PSMD14: variants seen among roughly 807,000 people sequenced by gnomAD.
PSMD14 encodes the protein proteasome 26S subunit, non-ATPase 14.
Under a neutral mutation model 41.2 loss-of-function variants are expected in PSMD14, and 7 were observed. The ratio of observed to expected loss-of-function variants is 0.17; its 90% CI spans 0.10 to 0.32. The LOEUF is 0.32. Ranked by LOEUF, PSMD14 falls within the 10% of genes least tolerant of loss-of-function variation. The pLI, the probability that PSMD14 is intolerant of heterozygous loss-of-function variation, is 1.00. For missense variants in PSMD14, 139 were observed against 375.6 expected (o/e 0.37, Z 5.21); for synonymous variants, 114 against 122.3 (o/e 0.93, Z 0.45).
intron 10 of PSMD14, among the ~76,000 whole-genome samples, chr2:161,396,819 TTTTG>T (rs571559831): frequency 1.6e-4 from 25 of 151,894 alleles, no homozygotes; most frequent in Admixed American, 2.6e-4. Flanking sequence ...TTTGAGGAGT[TTTTG>T]TTTGTTTGTT....
At chr2:161,318,450 A>G (rs999603358) in intron 2 of PSMD14, among the ~76,000 whole-genome samples, 3 of 152,174 alleles carry the variant, frequency 2.0e-5, no homozygotes, top group Admixed American at 1.3e-4. Context: ...CTCTGGACCA[A>G]TTGAAGGAAA....
chr2:161,340,448 G>A (rs1290947680), intron 3 of PSMD14, among the ~76,000 whole-genome samples: 2 of 152,224 alleles, frequency 1.3e-5, no homozygotes, highest in African/African-American at 4.8e-5. Context: ...TGGAGTGAAA[G>A]TGAACTCTGC....
intron 1 of PSMD14, among the ~76,000 whole-genome samples, chr2:161,312,962 G>A (rs1394390409): frequency 6.6e-6 from 1 of 152,238 alleles, no homozygotes; most frequent in Non-Finnish European, 1.5e-5. Flanking sequence ...TCAGGATGGG[G>A]TTGCCAATGA....
chr2:161,321,455 A>G (rs1318366588), intron 3 of PSMD14, among the ~76,000 whole-genome samples: 1 of 152,164 alleles, frequency 6.6e-6, no homozygotes, highest in East Asian at 1.9e-4. Flanking sequence ...CAGTGTCCAA[A>G]CAGTTGCTAC....
intron 3 of PSMD14, among the ~76,000 whole-genome samples, chr2:161,341,714 C>T (rs1682963985): frequency 6.6e-6 from 1 of 151,438 alleles, no homozygotes; most frequent in South Asian, 2.1e-4. Context: ...TGGCATCTGC[C>T]TGTAGTCCCA....
At chr2:161,389,889 G>GTTTTTTTTTTTTTTTTTT (rs1162637393) in intron 8 of PSMD14, among the ~76,000 whole-genome samples, 3 of 20,044 alleles carry the variant, frequency 1.5e-4, no homozygotes, top group African/African-American at 3.0e-4. Context: ...CTTTTTTGTT[G>GTTTTTTTTTTTTTTTTTT]TTTTTTTTTT....
At chr2:161,388,009 A>G (rs921181417) in intron 8 of PSMD14, among the ~76,000 whole-genome samples, 3 of 152,020 alleles carry the variant, frequency 2.0e-5, no homozygotes, top group Non-Finnish European at 4.4e-5. Context: ...TTTGGCTATT[A>G]CTTTCAAATG....
intron 6 of PSMD14, among the ~76,000 whole-genome samples, chr2:161,370,838 A>G (rs145552809): frequency 1.1e-3 from 170 of 152,268 alleles, no homozygotes; most frequent in South Asian, 8.5e-3. Flanking sequence ...TCCAACTCCC[A>G]GAGCTAAGGA....
At chr2:161,318,558 A>G (rs536276701) in intron 2 of PSMD14, among the ~76,000 whole-genome samples, 10 of 152,314 alleles carry the variant, frequency 6.6e-5, no homozygotes, top group African/African-American at 2.4e-4. Flanking sequence ...AATGATAGCA[A>G]AGTTTTGAAA....
chr2:161,380,894 A>G (rs1342305465), intron 7 of PSMD14, among the ~76,000 whole-genome samples: 1 of 152,028 alleles, frequency 6.6e-6, no homozygotes, highest in Admixed American at 6.6e-5. Context: ...AGTACTTCCC[A>G]GGTCACATGC....
intron 3 of PSMD14, among the ~76,000 whole-genome samples, chr2:161,339,795 A>G (rs1682924295): frequency 1.3e-5 from 2 of 152,408 alleles, no homozygotes; most frequent in South Asian, 4.1e-4. Flanking sequence ...CTAAGCCCTG[A>G]ACCAAAGGTT....
intron 3 of PSMD14, among the ~76,000 whole-genome samples, chr2:161,348,612 A>G (rs1265481752): frequency 1.3e-5 from 2 of 152,362 alleles, no homozygotes; most frequent in African/African-American, 4.8e-5. Flanking sequence ...ATTCTATACG[A>G]TTGTTTTTAT....
At chr2:161,322,199 T>C (rs1483428326) in intron 3 of PSMD14, among the ~76,000 whole-genome samples, 1 of 152,188 alleles carries the variant, frequency 6.6e-6, no homozygotes, top group East Asian at 1.9e-4. Context: ...AAAGACTTGT[T>C]TTCAGCCTTG....
intron 3 of PSMD14, among the ~76,000 whole-genome samples, chr2:161,341,878 G>A (rs10182431): frequency 0.86 from 123,233 of 143,582 alleles, 52,056 homozygotes; most frequent in African/African-American, 0.93. Flanking sequence ...AAATATATAT[G>A]TATATATAAA....
intron 7 of PSMD14, among the ~76,000 whole-genome samples, chr2:161,373,462 C>T (rs895037027): frequency 1.3e-5 from 2 of 151,826 alleles, no homozygotes; most frequent in African/African-American, 4.8e-5. Context: ...ATTTATGGTT[C>T]TTTCAGTGTC....
At chr2:161,367,990 C>CAT in intron 5 of PSMD14, 87 bp downstream of exon 5, 1 of 1,382,088 alleles carries the variant, frequency 7.2e-7, no homozygotes. Flanking sequence ...CATCATATTA[C>CAT]ATTTTCTCTT....
chr2:161,389,344 G>C (rs1285600104), intron 8 of PSMD14, among the ~76,000 whole-genome samples: 1 of 152,164 alleles, frequency 6.6e-6, no homozygotes, highest in Non-Finnish European at 1.5e-5. Context: ...CTGCTTAGAG[G>C]ACTGAGCACC....
intron 7 of PSMD14, among the ~76,000 whole-genome samples, chr2:161,376,123 T>A (rs1411544153): frequency 6.7e-6 from 1 of 149,056 alleles, no homozygotes; most frequent in East Asian, 2.0e-4. Flanking sequence ...ATATATATAC[T>A]CTCTCTCATA....
intron 3 of PSMD14, among the ~76,000 whole-genome samples, chr2:161,330,381 T>C (rs541939240): frequency 1.3e-5 from 2 of 152,228 alleles, no homozygotes; most frequent in South Asian, 4.2e-4. Context: ...ATATTCCAAA[T>C]GTATGGGACG....
Sources: gnomAD v4.1 joint callset for allele counts (sites outside exome capture counted in the v4.1 genomes callset) on GRCh38, gnomAD v4.1.1 for gene constraint, MANE v1.5 for transcripts, NCBI Gene and HGNC (gene_info 2026-07-23, HGNC 2026-07-21) for gene names.